The following DAW1 variants were observed in gnomAD, a reference collection of about 807,000 sequenced individuals.
DAW1 encodes the protein dynein assembly factor with WD repeat domains 1.
In DAW1, 47 loss-of-function variants were observed where a neutral mutation model predicts 56.5. The ratio of observed to expected loss-of-function variants is 0.83; its 90% CI spans 0.66 to 1.06. The LOEUF (loss-of-function observed/expected upper bound fraction) is 1.06. Among genes scored for constraint, DAW1 ranks in the 50% least tolerant of loss-of-function variants. The pLI is 0.00. For missense variants in DAW1, 505 were observed against 499.3 expected, an observed-to-expected ratio of 1.01 and a Z score of -0.11; for synonymous variants, 190 against 179.0, an observed-to-expected ratio of 1.06 and a Z score of -0.49.
At chr2:227,914,931 C>T (rs760774929) in intron 10 of DAW1, among the ~76,000 whole-genome samples, 1 of 152,040 alleles carries the variant, frequency 6.6e-6, no homozygotes, top group Non-Finnish European at 1.5e-5. Flanking sequence ...TCATGCTATA[C>T]TATGTCTGTA....
intron 10 of DAW1, among the ~76,000 whole-genome samples, chr2:227,913,604 A>C (rs1025540492): frequency 6.6e-6 from 1 of 152,102 alleles, no homozygotes; most frequent in African/African-American, 2.4e-5. Context: ...CCTATGTGCC[A>C]TTTTAAAATT....
chr2:227,911,249 T>TGTATATATAC (rs1691810250), intron 10 of DAW1, among the ~76,000 whole-genome samples: 1 of 142,800 alleles, frequency 7.0e-6, no homozygotes, highest in African/African-American at 2.7e-5. Context: ...CATATATACA[T>TGTATATATAC]ATATACACGT....
At chr2:227,883,655 C>G (rs1363310529) in intron 1 of DAW1, among the ~76,000 whole-genome samples, 3 of 152,140 alleles carry the variant, frequency 2.0e-5, no homozygotes, top group African/African-American at 7.2e-5. Flanking sequence ...TGACTACATT[C>G]TTTTCTTATA....
intron 6 of DAW1, 71 bp from the exon 7 acceptor site, chr2:227,902,931 A>T: frequency 6.8e-7 from 1 of 1,471,454 alleles, no homozygotes; most frequent in Non-Finnish European, 9.4e-7. Flanking sequence ...TGCATCTGGA[A>T]GATTTTCTGT....
chr2:227,909,874 AG>A (rs1171651399), intron 10 of DAW1, among the ~76,000 whole-genome samples: 2 of 152,206 alleles, frequency 1.3e-5, no homozygotes, highest in Non-Finnish European at 2.9e-5. Flanking sequence ...ACATCCTCAC[AG>A]ACACACCCAG....
chr2:227,902,301 A>C (rs569032886), intron 6 of DAW1, among the ~76,000 whole-genome samples: 11 of 152,298 alleles, frequency 7.2e-5, no homozygotes, highest in African/African-American at 2.4e-4. Flanking sequence ...CGGAAGGTGC[A>C]TCAGATAGAT....
chr2:227,914,012 T>C (rs886949605), intron 10 of DAW1, among the ~76,000 whole-genome samples: 3 of 147,852 alleles, frequency 2.0e-5, no homozygotes, highest in South Asian at 2.1e-4. Flanking sequence ...CTCTCTCTCT[T>C]TCTTTACATT....
At chr2:227,888,044 CAATG>C (rs1400045786) in intron 2 of DAW1, among the ~76,000 whole-genome samples, 2 of 152,168 alleles carry the variant, frequency 1.3e-5, no homozygotes, top group African/African-American at 4.8e-5. Flanking sequence ...ATCTTTTTGA[CAATG>C]AAATATCTCA....
At chr2:227,910,799 A>G (rs1349283211) in intron 10 of DAW1, among the ~76,000 whole-genome samples, 1 of 152,142 alleles carries the variant, frequency 6.6e-6, no homozygotes, top group Non-Finnish European at 1.5e-5. Flanking sequence ...CATTTCCCTG[A>G]CTACTATTTA....
chr2:227,893,827 A>G lies in DAW1; in HGVS notation c.350A>G (p.Lys117Arg). Residue 117 changes from lysine to arginine, a missense_variant, in exon 5 of 13, where the codon AAG becomes AGG. Transcript: ENST00000309931. ...FITGSYDRTC[K>R]LWDTASGEEL... is the part of the protein sequence containing the mutation. ...ACAGGAAGCTATGATCGGACGTGCAAGCTCTGGGACACTGCGTCTGGAGAG... is the reference window on the plus strand; with the variant it reads ...ACAGGAAGCTATGATCGGACGTGCAGGCTCTGGGACACTGCGTCTGGAGAG... 1 of 1,613,738 alleles carries G rather than the reference A, an allele frequency of 6.2e-7. No homozygotes were observed. Among genetic ancestry groups the G allele is most frequent in the Non-Finnish European group, 8.5e-7 (1 of 1,179,822 alleles).
intron 2 of DAW1, among the ~76,000 whole-genome samples, chr2:227,886,338 T>C (rs564777239): frequency 3.3e-5 from 5 of 152,142 alleles, no homozygotes; most frequent in South Asian, 2.1e-4. Context: ...TGCAAATAGC[T>C]GGGCGTGGTT....
intron 10 of DAW1, among the ~76,000 whole-genome samples, chr2:227,918,418 G>A (rs897329511): frequency 6.6e-6 from 1 of 152,178 alleles, no homozygotes; most frequent in Non-Finnish European, 1.5e-5. Context: ...CTCACACCTA[G>A]TGTATCATGC....
chr2:227,890,557 C>G (rs16824131), intron 3 of DAW1, among the ~76,000 whole-genome samples: 19,570 of 152,030 alleles, frequency 0.13, 2,084 homozygotes, highest in African/African-American at 0.29. Context: ...CTGCTTTTAT[C>G]TTTTATGATT....
Position 227,923,915 on chromosome 2 carries a change from A to G in DAW1, c.1214-19A>G. The G allele has an allele frequency of 6.2e-7, 1 of 1,613,428 alleles. No homozygotes were observed. Among genetic ancestry groups the G allele is most frequent in the Admixed American group, 1.7e-5 (1 of 60,028 alleles). On this transcript the variant is annotated intron_variant, in intron 12 of 12. Coordinates refer to ENST00000309931, the MANE Select transcript of DAW1 (RefSeq NM_178821.3). ...ATGAAATGAAGAAAAAAATAACTGC[A>G]TGAAATCTGTTTTATTAGGCAGCAA...
intron 12 of DAW1, among the ~76,000 whole-genome samples, chr2:227,922,487 G>A (rs1240380071): frequency 6.6e-6 from 1 of 152,212 alleles, no homozygotes; most frequent in African/African-American, 2.4e-5. Context: ...CCACAATAGT[G>A]TGGAGTAGGG....
chr2:227,875,149 AT>A (rs1234441414), intron 1 of DAW1, among the ~76,000 whole-genome samples: 2 of 152,114 alleles, frequency 1.3e-5, no homozygotes, highest in African/African-American at 4.8e-5. Context: ...CATGCCAAAC[AT>A]TTTGGACTCT....
At chr2:227,886,289 G>T (rs890467168) in intron 2 of DAW1, among the ~76,000 whole-genome samples, 1 of 152,092 alleles carries the variant, frequency 6.6e-6, no homozygotes, top group Non-Finnish European at 1.5e-5. Context: ...CTCTTGTGAT[G>T]TAATAACACC....
At chr2:227,910,830 T>G (rs1691797567) in intron 10 of DAW1, among the ~76,000 whole-genome samples, 1 of 152,166 alleles carries the variant, frequency 6.6e-6, no homozygotes, top group South Asian at 2.1e-4. Flanking sequence ...GTATGTCTGC[T>G]TCATTTTCAT....
In DAW1 at chr2:227,871,709, T is replaced by A; in HGVS notation, c.20T>A (p.Leu7Gln). 1 of 1,613,970 alleles carries A rather than the reference T, an allele frequency of 6.2e-7. No individual in the cohort carries two copies. The highest frequency in any genetic ancestry group is 1.1e-5 in the South Asian group (1 of 91,054). Residue 7 changes from leucine (L) to glutamine (Q), a missense_variant, in exon 1 of 13, where the codon CTG becomes CAG. Coordinates refer to ENST00000309931, the MANE Select transcript of DAW1 (RefSeq NM_178821.3). ...AAGAAAATGAAGCTCAAGAGCCTCCTGCTCCGGTATTACCCGCCAGGTACG... is the reference window on the plus strand; with the variant it reads ...AAGAAAATGAAGCTCAAGAGCCTCCAGCTCCGGTATTACCCGCCAGGTACG... Reference protein sequence around the residue: MKLKSLLLRYYPPGIML... With the variant: MKLKSLQLRYYPPGIML...
Sources: allele counts gnomAD v4.1 joint callset (sites outside exome capture counted in the v4.1 genomes callset), GRCh38; gene constraint gnomAD v4.1.1; transcripts MANE v1.5; gene names NCBI Gene and HGNC (gene_info 2026-07-23, HGNC 2026-07-21).